ARHGAP6: variants seen among roughly 807,000 people sequenced by gnomAD.
ARHGAP6 encodes the protein Rho GTPase activating protein 6.
ARHGAP6 carries 16 observed loss-of-function variants against 55.7 expected under a neutral mutation model. That is an observed-to-expected ratio of 0.29 (90% confidence interval 0.19 to 0.44). The LOEUF (loss-of-function observed/expected upper bound fraction) is 0.44, where lower values mean the gene tolerates loss of function less well. Ranked by LOEUF, ARHGAP6 falls within the 20% of genes least tolerant of loss-of-function variation. ARHGAP6 has a pLI of 1.00. For missense variants in ARHGAP6, 698 were observed against 808.9 expected, an observed-to-expected ratio of 0.86 and a Z score of 1.66; for synonymous variants, 382 against 360.9, an observed-to-expected ratio of 1.06 and a Z score of -0.66.
At chrX:11,565,504 T>C (rs768126059) in intron 1 of ARHGAP6, among the ~76,000 whole-genome samples, 188 of 112,428 alleles carry the variant, frequency 1.7e-3, no homozygotes, top group Admixed American at 3.4e-3. Flanking sequence ...ATGAGATATA[T>C]TCACAAGGCC....
intron 1 of ARHGAP6, among the ~76,000 whole-genome samples, chrX:11,525,716 G>A (rs1407623692): frequency 8.9e-6 from 1 of 112,041 alleles, no homozygotes; most frequent in Non-Finnish European, 1.9e-5. Flanking sequence ...TAGGAGTGGA[G>A]CACTGAAGGA....
At chrX:11,320,648 A>G (rs1390902033) in intron 1 of ARHGAP6, among the ~76,000 whole-genome samples, 1 of 110,439 alleles carries the variant, frequency 9.1e-6, no homozygotes, top group African/African-American at 3.3e-5. Flanking sequence ...CCTACAACCT[A>G]TTGTGAATGG....
intron 1 of ARHGAP6, among the ~76,000 whole-genome samples, chrX:11,479,064 T>C (rs937172081): frequency 3.6e-5 from 4 of 112,153 alleles, no homozygotes; most frequent in African/African-American, 9.7e-5. Flanking sequence ...TGTTTTAAAA[T>C]GCATTTGAAT....
chrX:11,481,995 C>T (rs999630316), intron 1 of ARHGAP6, among the ~76,000 whole-genome samples: 1 of 112,493 alleles, frequency 8.9e-6, no homozygotes, highest in Non-Finnish European at 1.9e-5. Flanking sequence ...GAGGGCATTT[C>T]CCCCAATTTA....
At position 11,466,958 on chromosome X, in the gene ARHGAP6, A is replaced by G. The variant is rs748052051; in HGVS notation, c.588+197283T>C. Among the ~76,000 whole-genome samples, 4 of 112,787 alleles carry G rather than the reference A, an allele frequency of 3.5e-5. No homozygotes were observed. The South Asian group carries it at 1.5e-3, about 41-fold the overall frequency. On this transcript the variant is annotated intron_variant, in intron 1 of 12. Coordinates refer to ENST00000337414, the MANE Select transcript of ARHGAP6 (RefSeq NM_013427.3). ...TATGCATGAGTGGACAAAAAAGTAA[A>G]GAACACTTATGTCTCAAAATAATCA...
At chrX:11,381,018 G>A (rs923785829) in intron 1 of ARHGAP6, among the ~76,000 whole-genome samples, 12 of 112,828 alleles carry the variant, frequency 1.1e-4, no homozygotes, top group Non-Finnish European at 7.5e-5. Flanking sequence ...CATGGCTAAA[G>A]CTTCGGTATG....
intron 10 of ARHGAP6, among the ~76,000 whole-genome samples, chrX:11,147,240 TATAC>T (rs1294273754): frequency 2.7e-5 from 3 of 111,617 alleles, no homozygotes; most frequent in Admixed American, 9.4e-5. Flanking sequence ...TATGCACACA[TATAC>T]ATATTCATAA....
intron 10 of ARHGAP6, among the ~76,000 whole-genome samples, chrX:11,154,561 G>A (rs2147283855): frequency 8.9e-6 from 1 of 112,074 alleles, no homozygotes; most frequent in Non-Finnish European, 1.9e-5. Flanking sequence ...ATTTGGCCAG[G>A]CAAAAATCAG....
At chrX:11,500,776 G>T (rs2050670498) in intron 1 of ARHGAP6, among the ~76,000 whole-genome samples, 1 of 110,263 alleles carries the variant, frequency 9.1e-6, no homozygotes, top group Non-Finnish European at 1.9e-5. Flanking sequence ...TTTTGGGGGG[G>T]AAGGTTATAG....
intron 1 of ARHGAP6, among the ~76,000 whole-genome samples, chrX:11,609,372 G>A (rs918936520): frequency 8.9e-6 from 1 of 111,972 alleles, no homozygotes; most frequent in African/African-American, 3.3e-5. Context: ...TGAGAAACCA[G>A]AAGGAACACA....
intron 1 of ARHGAP6, among the ~76,000 whole-genome samples, chrX:11,392,932 C>T (rs1267768448): frequency 9.0e-6 from 1 of 111,590 alleles, no homozygotes; most frequent in Admixed American, 9.5e-5. Context: ...GTGTGTTTGT[C>T]CCAACCCTAC....
At position 11,186,360 on chromosome X, in the gene ARHGAP6, A is replaced by C. The variant is rs201842454; in HGVS notation, c.1149T>G (p.Leu383=). 1 of 1,209,480 alleles carries C rather than the reference A, an allele frequency of 8.3e-7. No homozygotes were observed. The highest frequency in any genetic ancestry group is 3.0e-5 in the East Asian group (1 of 33,740). ...NQSRLLEALQ[L]SLPAEAQSKK... ...TACTTTGAGCCTCAGCAGGCAAGGAAAGTTGTAAAGCTTCTAGTAGTCGAG... is the reference window on the plus strand; with the variant it reads ...TACTTTGAGCCTCAGCAGGCAAGGACAGTTGTAAAGCTTCTAGTAGTCGAG... Residue 383 remains leucine, a synonymous_variant, in exon 5 of 13, where the codon CTT becomes CTG. Transcript: ENST00000337414.
At chrX:11,302,137 C>G (rs1007699622) in intron 1 of ARHGAP6, among the ~76,000 whole-genome samples, 1 of 112,076 alleles carries the variant, frequency 8.9e-6, no homozygotes, top group South Asian at 3.7e-4. Flanking sequence ...TTAAATAAAA[C>G]TTAAAATTCA....
chrX:11,496,914 G>A (rs1398278683), intron 1 of ARHGAP6, among the ~76,000 whole-genome samples: 1 of 112,211 alleles, frequency 8.9e-6, no homozygotes, highest in East Asian at 2.8e-4. Context: ...TAGCACCAAA[G>A]AGCTGCTTAG....
intron 1 of ARHGAP6, among the ~76,000 whole-genome samples, chrX:11,524,895 G>A (rs899036299): frequency 9.0e-6 from 1 of 111,460 alleles, no homozygotes; most frequent in African/African-American, 3.3e-5. Flanking sequence ...CAGATCATCA[G>A]GTATTAGAGT....
chrX:11,163,482 G>A (rs1311961454), intron 9 of ARHGAP6, among the ~76,000 whole-genome samples: 2 of 112,092 alleles, frequency 1.8e-5, no homozygotes, highest in Non-Finnish European at 3.8e-5. Context: ...ACTTGTCACT[G>A]GATGTTCCAC....
chrX:11,411,222 T>TATATATATATAA lies in ARHGAP6; in HGVS notation c.589-156516_589-156515insTTATATATATAT, dbSNP rs1385399573. Reference sequence around the variant, plus strand: ...ATATATATATATATATATATATATATAAAATATACAAATATATATGAAATA... The same window carrying TATATATATATAA: ...ATATATATATATATATATATATATATATATATATATAAAAAATATACAAATATATATGAAATA... On this transcript the variant is annotated intron_variant, in intron 1 of 12. Transcript: ENST00000337414. Among the ~76,000 whole-genome samples the TATATATATATAA allele has an allele frequency of 5.0e-4, 40 of 79,513 alleles. 1 individual carries two copies. Among genetic ancestry groups the TATATATATATAA allele is most frequent in the African/African-American group, 6.4e-4 (14 of 21,775 alleles). The allele number at this position is 79,513 out of a possible 115,157, so 69.0% of individuals were successfully genotyped here.
intron 1 of ARHGAP6, among the ~76,000 whole-genome samples, chrX:11,553,867 G>C (rs975059044): frequency 8.9e-5 from 10 of 112,141 alleles, no homozygotes; most frequent in African/African-American, 2.9e-4. Context: ...AAGGGAGGCA[G>C]TGATACAGAG....
intron 1 of ARHGAP6, among the ~76,000 whole-genome samples, chrX:11,590,686 G>C (rs993489721): frequency 2.9e-5 from 3 of 104,268 alleles, no homozygotes; most frequent in Non-Finnish European, 5.8e-5. Flanking sequence ...TTGGAAGACT[G>C]AGGCATGAGA....
Sources: allele counts gnomAD v4.1 joint callset (sites outside exome capture counted in the v4.1 genomes callset), GRCh38; gene constraint gnomAD v4.1.1; transcripts MANE v1.5; gene names NCBI Gene and HGNC (gene_info 2026-07-23, HGNC 2026-07-21).